The following RNASE4 variants were observed in gnomAD, a reference collection of about 807,000 sequenced individuals.
RNASE4 encodes the protein ribonuclease 4.
For missense variants in RNASE4, 194 were observed against 192.8 expected (o/e 1.01, Z -0.04); for synonymous variants, 93 against 71.4 (o/e 1.30, Z -1.52).
chr14:20,690,258 A>AG (rs1886673120), intron 1 of RNASE4, among the ~76,000 whole-genome samples: 1 of 151,060 alleles, frequency 6.6e-6, no homozygotes, highest in Non-Finnish European at 1.5e-5. Context: ...AGAAAAGAAA[A>AG]GAAAAAAAGG....
rs1429273932 is a variant in RNASE4 at position 20,686,055 on chromosome 14, A to G, written c.-18+1297A>G. 5.3e-5 allele frequency among the ~76,000 whole-genome samples: 8 copies of G among 151,998 alleles called. No homozygotes were observed. In the East Asian group the frequency reaches 1.5e-3, roughly 29 times the overall value. Reference sequence around the variant, plus strand: ...ACTCCGTCTTAAAAAAAAAAAAAAAAAAAATTGTGTGGTGCATTGGAAAGC... The same window carrying G: ...ACTCCGTCTTAAAAAAAAAAAAAAAGAAAATTGTGTGGTGCATTGGAAAGC... On this transcript the variant is annotated intron_variant, in intron 1 of 1. Coordinates refer to ENST00000555835, the MANE Select transcript of RNASE4 (RefSeq NM_002937.5).
chr14:20,693,049 G>C (rs1004168646), intron 1 of RNASE4, among the ~76,000 whole-genome samples: 2 of 151,464 alleles, frequency 1.3e-5, no homozygotes, highest in Non-Finnish European at 2.9e-5. Flanking sequence ...GGGTTTCACC[G>C]TGGTAGCCAG....
chr14:20,693,445 T>A, intron 1 of RNASE4: 1 of 1,479,956 alleles, frequency 6.8e-7, no homozygotes, highest in Non-Finnish European at 9.3e-7. Flanking sequence ...GTGGAAAAGA[T>A]CTGATTCATG....
At chr14:20,692,646 CT>C (rs1436072512) in intron 1 of RNASE4, among the ~76,000 whole-genome samples, 1 of 152,172 alleles carries the variant, frequency 6.6e-6, no homozygotes, top group Non-Finnish European at 1.5e-5. Flanking sequence ...CAATTTCATC[CT>C]GAAACCATCC....
At chr14:20,686,001 C>T (rs1886406981) in intron 1 of RNASE4, among the ~76,000 whole-genome samples, 1 of 149,758 alleles carries the variant, frequency 6.7e-6, no homozygotes, top group Non-Finnish European at 1.5e-5. Flanking sequence ...GATTGCGTCA[C>T]TGCACTCTAG....
chr14:20,700,839 C>A lies in RNASE4; in HGVS notation c.*1024C>A. 1 of 153,150 alleles carries A rather than the reference C, an allele frequency of 6.5e-6. No homozygotes were observed. Among genetic ancestry groups the A allele is most frequent in the South Asian group, 2.0e-4 (1 of 4,932 alleles). 9.5% of individuals were successfully genotyped at this position (153,150 alleles called of 1,614,324 possible). A position where few individuals can be genotyped will look rare whatever the true frequency, so the allele number is the denominator to read the frequency against. The stretch of plus-strand genomic sequence containing the variant: ...ATTTAGAAGCAAATTAGGGAGCTGT[C>A]AGGTCTCTGAGCCCAAGCCTGCACG... On this transcript the variant is annotated 3_prime_UTR_variant, in exon 2 of 2. Coordinates refer to ENST00000555835, the MANE Select transcript of RNASE4 (RefSeq NM_002937.5).
intron 1 of RNASE4, among the ~76,000 whole-genome samples, chr14:20,697,572 A>T (rs1887136029): frequency 1.3e-5 from 2 of 152,236 alleles, no homozygotes; most frequent in African/African-American, 4.8e-5. Flanking sequence ...TACTGCTTTC[A>T]TTATCAATAA....
At chr14:20,693,777 T>C (rs775737328) in intron 1 of RNASE4, 13 of 1,614,094 alleles carry the variant, frequency 8.1e-6, no homozygotes, top group South Asian at 7.7e-5. Flanking sequence ...CATTTATTCA[T>C]GGCAACAAGC....
At chr14:20,696,377 C>T (rs1888562) in intron 1 of RNASE4, among the ~76,000 whole-genome samples, 85,117 of 151,910 alleles carry the variant, frequency 0.56, 24,837 homozygotes, top group African/African-American at 0.74. Flanking sequence ...TAAAATAAAA[C>T]GTCAAGTCAC....
At chr14:20,698,019 T>C (rs886705868) in intron 1 of RNASE4, among the ~76,000 whole-genome samples, 1 of 152,162 alleles carries the variant, frequency 6.6e-6, no homozygotes, top group Admixed American at 6.5e-5. Flanking sequence ...TAAATGTCTT[T>C]GATATCCTGA....
At chr14:20,695,534 A>G (rs17114743) in intron 1 of RNASE4, among the ~76,000 whole-genome samples, 6,321 of 152,334 alleles carry the variant, frequency 0.041, 198 homozygotes, top group African/African-American at 0.084. Flanking sequence ...CTACAGACTC[A>G]GTGGTTAGCT....
chr14:20,694,154 T>C, intron 1 of RNASE4: 1 of 847,886 alleles, frequency 1.2e-6, no homozygotes, highest in Non-Finnish European at 1.9e-6. Context: ...ACAACATGTT[T>C]AATAAATAAA....
chr14:20,695,873 T>C (rs1887076751), intron 1 of RNASE4, among the ~76,000 whole-genome samples: 1 of 152,264 alleles, frequency 6.6e-6, no homozygotes, highest in African/African-American at 2.4e-5. Flanking sequence ...CTTGGGTTAG[T>C]CTGTTTCAAA....
chr14:20,696,744 A>G (rs79236215), intron 1 of RNASE4, among the ~76,000 whole-genome samples: 1 of 151,708 alleles, frequency 6.6e-6, no homozygotes, highest in Non-Finnish European at 1.5e-5. Context: ...AAAAAAAAAA[A>G]TGCAGTAATT....
chr14:20,693,669 C>A, intron 1 of RNASE4: 1 of 1,614,116 alleles, frequency 6.2e-7, no homozygotes, highest in Non-Finnish European at 8.5e-7. Flanking sequence ...ACTTCCTGAC[C>A]CAGCACTATG....
chr14:20,692,452 AC>A (rs1886809352), intron 1 of RNASE4, among the ~76,000 whole-genome samples: 1 of 152,218 alleles, frequency 6.6e-6, no homozygotes, highest in Admixed American at 6.5e-5. Flanking sequence ...GTTCCCTAGA[AC>A]AGAGGTCCCC....
intron 1 of RNASE4, chr14:20,694,078 G>A: frequency 6.4e-7 from 1 of 1,571,104 alleles, no homozygotes; most frequent in South Asian, 1.1e-5. Context: ...ACCCAGAACA[G>A]TGGTGGCAAC....
At chr14:20,691,805 T>G (rs1014469625) in intron 1 of RNASE4, among the ~76,000 whole-genome samples, 25 of 152,214 alleles carry the variant, frequency 1.6e-4, no homozygotes, top group African/African-American at 3.9e-4. Context: ...CAACACCAAA[T>G]GCAAATTAGA....
chr14:20,697,104 A>C (rs1445323593), intron 1 of RNASE4, among the ~76,000 whole-genome samples: 3 of 152,196 alleles, frequency 2.0e-5, no homozygotes, highest in African/African-American at 7.2e-5. Flanking sequence ...GCTGTCCTCA[A>C]ATATTTCTCT....
Sources: gnomAD v4.1 joint callset for allele counts (sites outside exome capture counted in the v4.1 genomes callset) on GRCh38, gnomAD v4.1.1 for gene constraint, MANE v1.5 for transcripts, NCBI Gene and HGNC (gene_info 2026-07-23, HGNC 2026-07-21) for gene names.